WNK2: variants seen among roughly 807,000 people sequenced by gnomAD.
WNK2 encodes WNK lysine deficient protein kinase 2, also known as serine/threonine-protein kinase WNK2.
WNK2 carries 67 observed loss-of-function variants against 192.1 expected under a neutral mutation model. That is an observed-to-expected ratio of 0.35 (90% CI 0.29 to 0.43). The LOEUF is 0.43. Among genes scored for constraint, WNK2 ranks in the 20% least tolerant of loss-of-function variants. The pLI is 1.00. For synonymous variants in WNK2, 1,439 were observed against 1,393.9 expected (o/e 1.03, Z -0.72); for missense variants, 2,698 against 3,089.7 (o/e 0.87, Z 3.01).
Position 93,185,317 on chromosome 9 carries a change from G to C in WNK2, c.388G>C (p.Ala130Pro). 1.3e-6 allele frequency: 2 copies of C among 1,516,884 alleles called. No homozygotes were observed. Among genetic ancestry groups the C allele is most frequent in the African/African-American group, 1.4e-5 (1 of 72,280 alleles). 94.0% of individuals were successfully genotyped at this position (1,516,884 alleles called of 1,614,324 possible). The change falls in exon 2 of 30, where the codon GCA (alanine) becomes CCA (proline). Residue 130 changes from alanine (A) to proline (P), a missense_variant. This residue lies in a region of WNK2 where 260 missense variants were observed against 285.6 expected (regional missense o/e 0.91). Coordinates refer to ENST00000427277, the MANE Select transcript of WNK2 (RefSeq NM_006648.4). ...GCAGGAGCCCGGCCCGGACCCCATC[G>C]CAGCCGCTGTCGAAACCGCGCCTGC... is the stretch of plus-strand genomic sequence containing the variant. ...GTQEPGPDPI[A>P]AAVETAPAPD...
At chr9:93,310,449 AT>A (rs201861429) in intron 28 of WNK2, among the ~76,000 whole-genome samples, 2 of 139,920 alleles carry the variant, frequency 1.4e-5, no homozygotes, top group African/African-American at 5.2e-5. Flanking sequence ...TGGCAAAAAA[AT>A]ATATATATAT....
chr9:93,253,460 G>A (rs1842869093), intron 9 of WNK2, among the ~76,000 whole-genome samples: 1 of 152,016 alleles, frequency 6.6e-6, no homozygotes, highest in South Asian at 2.1e-4. Context: ...ACAACCCACA[G>A]CCACAATCAT....
In WNK2 at chr9:93,292,660, G is replaced by A. The variant is rs563807204; in HGVS notation, c.5195G>A (p.Arg1732His). ...CGAGCTTTGGGGTCCCCTCGGAAAC[G>A]TCCAGAGCAGCAGGATGTCAGCTCA... ...GARALGSPRK[R>H]PEQQDVSSPA... The change falls in exon 23 of 30, where the codon CGT becomes CAT. Residue 1732 changes from arginine (R) to histidine (H), a missense_variant. By Grantham distance (29) the Arg-to-His change is conservative (BLOSUM62 0). Around this residue, in one of 7 missense-constraint regions of WNK2, gnomAD observed 1,098 missense variants for 1,101.0 expected, o/e 1.00. Transcript: ENST00000427277. The A allele has an allele frequency of 6.2e-5, 98 of 1,579,696 alleles. 2 individuals are homozygous for A. In the South Asian group the frequency reaches 7.8e-4, roughly 13 times the overall value.
At chr9:93,184,443 C>T (rs572071490) in intron 1 of WNK2, among the ~76,000 whole-genome samples, 58 bp downstream of exon 1, 1 of 151,470 alleles carries the variant, frequency 6.6e-6, no homozygotes, top group South Asian at 2.1e-4. Flanking sequence ...CGCCGCGGCG[C>T]TGCAGCCCCC....
At chr9:93,190,473 G>A (rs1259109918) in intron 2 of WNK2, among the ~76,000 whole-genome samples, 1 of 152,258 alleles carries the variant, frequency 6.6e-6, no homozygotes, top group Non-Finnish European at 1.5e-5. Context: ...TGCTTTCTGA[G>A]CCCCAGAGGG....
chr9:93,298,343 G>C (rs892119921), intron 24 of WNK2, among the ~76,000 whole-genome samples: 3 of 152,252 alleles, frequency 2.0e-5, no homozygotes, highest in Admixed American at 6.5e-5. Context: ...TGCCAGGGAA[G>C]CTCAGGCTGC....
chr9:93,268,214 C>A, intron 18 of WNK2, 149 bp downstream of exon 18: 1 of 1,090,580 alleles, frequency 9.2e-7, no homozygotes, highest in Non-Finnish European at 1.3e-6. Context: ...CTGCCCTGTC[C>A]GAGGAGCTGT....
rs1273828408 is a variant in WNK2, at chr9:93,247,246, G to T, written c.1543-297G>T. Among the ~76,000 whole-genome samples the T allele has an allele frequency of 6.6e-6, 1 of 152,210 alleles. No homozygotes were observed. Among genetic ancestry groups the T allele is most frequent in the South Asian group, 2.1e-4 (1 of 4,832 alleles). The stretch of plus-strand genomic sequence containing the variant: ...TTCCCGTCTGCCACCAGCCCCGGGG[G>T]CGCTGGGAGCTCAGGGAGCCCTTGG... On this transcript the variant is annotated intron_variant, in intron 7 of 29. Transcript: ENST00000427277. The surrounding 1 kb of genome is among the most constrained non-coding windows in gnomAD (Gnocchi z 5.2).
intron 19 of WNK2, among the ~76,000 whole-genome samples, chr9:93,281,368 T>C (rs905348892): frequency 1.5e-5 from 1 of 65,798 alleles, no homozygotes. Context: ...AATTAGAAAC[T>C]ATGCCAAAAA....
intron 9 of WNK2, among the ~76,000 whole-genome samples, chr9:93,253,627 G>A (rs372366623): frequency 7.9e-5 from 12 of 152,130 alleles, no homozygotes; most frequent in East Asian, 3.9e-4. Context: ...ATTGTGTAGC[G>A]GTTAAAGTCA....
intron 12 of WNK2, 134 bp from the exon 13 acceptor site, chr9:93,261,680 T>C: frequency 1.0e-6 from 1 of 996,564 alleles, no homozygotes; most frequent in Non-Finnish European, 1.5e-6. Context: ...AGACAGGGAC[T>C]CCCCTTGGGG....
In WNK2 at chr9:93,247,084, T is replaced by C. The variant is rs2132486940; in HGVS notation, c.1543-459T>C. ...CTGGTCCCTAATTACAAAACGCATG[T>C]CCTTCCTCCATCTGCAACTCGGGTG... On this transcript the variant is annotated intron_variant, in intron 7 of 29. Coordinates refer to ENST00000427277, the MANE Select transcript of WNK2 (RefSeq NM_006648.4). This position sits in a 1 kb window ranked among gnomAD's most constrained non-coding sequence, Gnocchi z 5.2. Among the ~76,000 whole-genome samples, 1 of 152,348 alleles carries C rather than the reference T, an allele frequency of 6.6e-6. No individual in the cohort carries two copies. The highest frequency in any genetic ancestry group is 1.9e-4 in the East Asian group (1 of 5,188).
intron 2 of WNK2, among the ~76,000 whole-genome samples, chr9:93,221,406 C>T (rs913429266): frequency 6.6e-6 from 1 of 152,214 alleles, no homozygotes; most frequent in African/African-American, 2.4e-5. Flanking sequence ...TGTGACAAGG[C>T]CATGACAGAC....
At chr9:93,268,491 C>G (rs945870398) in intron 18 of WNK2, 136 bp from the exon 19 acceptor site, 14 of 1,367,952 alleles carry the variant, frequency 1.0e-5, no homozygotes, top group African/African-American at 1.4e-5. Flanking sequence ...CTGCCCACAC[C>G]CTTCCTGGAG....
chr9:93,247,463 T>G lies in WNK2; in HGVS notation c.1543-80T>G. 6.7e-7 allele frequency: 1 copy of G among 1,498,358 alleles called. No individual in the cohort carries two copies. The highest frequency in any genetic ancestry group is 1.2e-5 in the South Asian group (1 of 80,458). 92.8% of individuals were successfully genotyped at this position (1,498,358 alleles called of 1,614,324 possible). A position where few individuals can be genotyped will look rare whatever the true frequency, so the allele number is the denominator to read the frequency against. Reference sequence around the variant, plus strand: ...GTGTCCTGCGTGGATGAGCCAGTGATGGGAAAGCACTTTAGGTAAGGGGTG... The same window carrying G: ...GTGTCCTGCGTGGATGAGCCAGTGAGGGGAAAGCACTTTAGGTAAGGGGTG... On this transcript the variant is annotated intron_variant, in intron 7 of 29. Coordinates refer to ENST00000427277, the MANE Select transcript of WNK2 (RefSeq NM_006648.4). The surrounding 1 kb of genome is among the most constrained non-coding windows in gnomAD (Gnocchi z 5.2).
intron 3 of WNK2, 138 bp downstream of exon 3, chr9:93,230,006 T>C: frequency 9.3e-7 from 1 of 1,080,660 alleles, no homozygotes; most frequent in Non-Finnish European, 1.3e-6. Context: ...CTCTCCTGCA[T>C]GGGATGCCAG....
chr9:93,193,511 G>A (rs1564267732), intron 2 of WNK2, among the ~76,000 whole-genome samples: 3 of 152,234 alleles, frequency 2.0e-5, no homozygotes, highest in African/African-American at 7.2e-5. Flanking sequence ...CTCCCCGCCC[G>A]GGAGCTGTGG....
chr9:93,206,428 T>C (rs1833399626), intron 2 of WNK2, among the ~76,000 whole-genome samples: 1 of 152,118 alleles, frequency 6.6e-6, no homozygotes, highest in Non-Finnish European at 1.5e-5. Flanking sequence ...TTGCCCTGGC[T>C]CCAGTCCCTG....
chr9:93,292,877 C>T lies in WNK2; in HGVS notation c.5412C>T (p.Pro1804=), dbSNP rs56125631. The change falls in exon 23 of 30, where the codon CCC becomes CCT. Residue 1804 remains proline (P), a synonymous_variant. Transcript: ENST00000427277. ...CCATCGAGGTCGGCGTGGGCGAGCC[C>T]GTGTCCAGCGACTCTGGGGACGAGG... ...ASSIEVGVGE[P]VSSDSGDEGP... is the part of the protein sequence containing the mutation. 1.0e-3 allele frequency: 1,502 copies of T among 1,507,826 alleles called. 9 individuals are homozygous for T. In the African/African-American group the frequency reaches 0.018, roughly 18 times the overall value. The allele number at this position is 1,507,826 out of a possible 1,614,324, so 93.4% of individuals were successfully genotyped here.
Sources: allele counts gnomAD v4.1 joint callset (sites outside exome capture counted in the v4.1 genomes callset), GRCh38; gene constraint gnomAD v4.1.1; regional missense constraint gnomAD v4.1.1; non-coding constraint Gnocchi (gnomAD v3.1); transcripts MANE v1.5; gene names NCBI Gene and HGNC (gene_info 2026-07-23, HGNC 2026-07-21).